Variants in CHD7 observed in about 807,000 individuals in gnomAD.
CHD7 encodes the protein ATP-dependent chromatin remodeler CHD7.
Under a neutral mutation model 307.3 loss-of-function variants are expected in CHD7, and 24 were observed. The ratio of observed to expected loss-of-function variants is 0.08; its 90% CI spans 0.06 to 0.11. CHD7 has a LOEUF of 0.11. Among genes scored for constraint, CHD7 ranks in the 10% least tolerant of loss-of-function variants. CHD7 has a pLI of 1.00. For missense variants in CHD7, 3,106 were observed against 3,727.1 expected (o/e 0.83, Z 4.34); for synonymous variants, 1,363 against 1,349.9 (o/e 1.01, Z -0.21).
At position 60,856,108 on chromosome 8, in the gene CHD7, C is replaced by T. The variant is rs1211299390; in HGVS notation, c.7070C>T (p.Pro2357Leu). The T allele has an allele frequency of 1.2e-6, 2 of 1,611,116 alleles. No homozygotes were observed. Among genetic ancestry groups the T allele is most frequent in the Non-Finnish European group, 1.7e-6 (2 of 1,178,648 alleles). ...PGYTPTTVDSPLQKRSFAELS... is the reference protein window; with the variant it reads ...PGYTPTTVDSLLQKRSFAELS... ...TACACACCCACCACAGTGGACAGCC[C>T]CTTGCAGAAGAGGAGCTTTGCTGAG... Residue 2357 changes from proline (P) to leucine (L), a missense_variant, in exon 33 of 38, where the codon CCC becomes CTC. By Grantham distance (98) the Pro-to-Leu change is moderately conservative. Coordinates refer to ENST00000423902, the MANE Select transcript of CHD7 (RefSeq NM_017780.4).
At chr8:60,781,676 T>C (rs919126668) in intron 3 of CHD7, among the ~76,000 whole-genome samples, 5 of 152,230 alleles carry the variant, frequency 3.3e-5, no homozygotes, top group Non-Finnish European at 7.3e-5. Context: ...ATTTTTTATA[T>C]TTTTATGAAA....
rs1418163912 is a variant in CHD7 at position 60,865,176 on chromosome 8, T to A, written c.8237T>A (p.Val2746Glu). Residue 2746 changes from valine to glutamate, a missense_variant, in exon 38 of 38, where the codon GTG becomes GAG. By Grantham distance (121) the Val-to-Glu change is moderately radical. Coordinates refer to ENST00000423902, the MANE Select transcript of CHD7 (RefSeq NM_017780.4). The surrounding 1 kb of genome is among the most constrained non-coding windows in gnomAD (Gnocchi z 4.3). ...ASTSGINPLL[V>E]NSLFAGMDLT... ...ACGTCAGGGATCAACCCTTTGCTGG[T>A]GAACAGCCTGTTTGCTGGAATGGAC... The A allele has an allele frequency of 6.2e-7, 1 of 1,612,146 alleles. No individual in the cohort carries two copies. The highest frequency in any genetic ancestry group is 8.5e-7 in the Non-Finnish European group (1 of 1,179,204).
At chr8:60,695,854 C>T (rs937573159) in intron 1 of CHD7, among the ~76,000 whole-genome samples, 27 of 152,254 alleles carry the variant, frequency 1.8e-4, no homozygotes, top group African/African-American at 6.0e-4. Flanking sequence ...ATGGTGAGAC[C>T]TGCACACTCA....
At chr8:60,810,329 G>A (rs1812737421) in intron 7 of CHD7, among the ~76,000 whole-genome samples, 1 of 152,006 alleles carries the variant, frequency 6.6e-6, no homozygotes, top group Non-Finnish European at 1.5e-5. Flanking sequence ...TCGTTGCTGA[G>A]GAATTGTTGC....
At chr8:60,736,551 C>CCCT (rs1328103977) in intron 1 of CHD7, among the ~76,000 whole-genome samples, 1 of 152,120 alleles carries the variant, frequency 6.6e-6, no homozygotes, top group Non-Finnish European at 1.5e-5. Context: ...TCATGCTCCA[C>CCCT]CCTCATCCCC....
At chr8:60,727,864 T>A (rs1045156940) in intron 1 of CHD7, among the ~76,000 whole-genome samples, 1 of 152,228 alleles carries the variant, frequency 6.6e-6, no homozygotes, top group African/African-American at 2.4e-5. Flanking sequence ...TAAATCCTGC[T>A]TCTCTTCTGT....
chr8:60,860,948 CCCA>C lies in CHD7; in HGVS notation c.7657_7659del (p.Pro2553del), dbSNP rs1805941014. On this transcript the variant is annotated inframe_deletion, in exon 35 of 38. Transcript: ENST00000423902. ...AAGCTTTTGAAGAAGATATAGAGAC[CCCA>C]CCAACAAGAAACATTCCTTCTCCCG... is the stretch of plus-strand genomic sequence containing the variant. 1.2e-6 allele frequency: 2 copies of C among 1,613,732 alleles called. No individual in the cohort carries two copies. The highest frequency in any genetic ancestry group is 2.7e-5 in the African/African-American group (2 of 74,864).
chr8:60,810,298 T>C (rs1215918480), intron 7 of CHD7, among the ~76,000 whole-genome samples: 1 of 151,968 alleles, frequency 6.6e-6, no homozygotes, highest in South Asian at 2.1e-4. Flanking sequence ...GAAACCAAGA[T>C]TGGGGCTTTA....
intron 2 of CHD7, among the ~76,000 whole-genome samples, chr8:60,775,313 A>C (rs967956101): frequency 2.1e-5 from 1 of 47,308 alleles, no homozygotes; most frequent in East Asian, 2.4e-3. Context: ...ACATATAGGA[A>C]TATGTAACAA....
At chr8:60,806,089 G>A (rs754965787) in intron 6 of CHD7, among the ~76,000 whole-genome samples, 11 of 152,094 alleles carry the variant, frequency 7.2e-5, no homozygotes, top group East Asian at 1.9e-4. Context: ...GAGGCTGGGC[G>A]CAGTGGTTCA....
chr8:60,855,874 T>G (rs576401237), intron 32 of CHD7, 101 bp from the exon 33 acceptor site: 1 of 771,198 alleles, frequency 1.3e-6, no homozygotes, highest in African/African-American at 1.8e-5. Context: ...CAGTTGACTT[T>G]TAAACATTTT....
At chr8:60,792,214 A>G (rs1178816291) in intron 3 of CHD7, among the ~76,000 whole-genome samples, 2 of 152,228 alleles carry the variant, frequency 1.3e-5, no homozygotes, top group Non-Finnish European at 2.9e-5. Context: ...ATTCTAGATT[A>G]CCTTTGTTTG....
intron 12 of CHD7, among the ~76,000 whole-genome samples, chr8:60,823,409 A>AC (rs761285284): frequency 6.6e-6 from 1 of 151,354 alleles, no homozygotes; most frequent in Non-Finnish European, 1.5e-5. Context: ...ATAGATAGAT[A>AC]GATAGATAGA....
At chr8:60,842,723 C>T (rs1805027511) in intron 21 of CHD7, among the ~76,000 whole-genome samples, 1 of 152,184 alleles carries the variant, frequency 6.6e-6, no homozygotes, top group Admixed American at 6.5e-5. Flanking sequence ...AGTAACCTTT[C>T]TACAGATCTG....
At chr8:60,818,437 A>G (rs1239311077) in intron 8 of CHD7, among the ~76,000 whole-genome samples, 1 of 152,168 alleles carries the variant, frequency 6.6e-6, no homozygotes, top group Non-Finnish European at 1.5e-5. Context: ...TCCTAAAGAG[A>G]GTTTTTGCCA....
Position 60,856,145 on chromosome 8 carries a change from C to A in CHD7, c.7107C>A (p.Val2369=), listed in dbSNP as rs773674773. ...QKRSFAELSM[V]GQASISGSED... ...GGAGCTTTGCTGAGCTCTCCATGGT[C>A]GGCCAAGCCAGCATTAGTGGGAGTG... Residue 2369 remains valine, a synonymous_variant, in exon 33 of 38, where the codon GTC becomes GTA. Transcript: ENST00000423902. The A allele has an allele frequency of 1.2e-5, 19 of 1,607,624 alleles. No homozygotes were observed. Among genetic ancestry groups the A allele is most frequent in the East Asian group, 4.5e-5 (2 of 44,716 alleles).
chr8:60,714,331 G>C (rs978671617), intron 1 of CHD7, among the ~76,000 whole-genome samples: 7 of 151,398 alleles, frequency 4.6e-5, no homozygotes, highest in African/African-American at 1.7e-4. Flanking sequence ...CAGTGGCTCG[G>C]GGCCGGAGCT....
At chr8:60,760,359 CTT>C (rs1810118802) in intron 2 of CHD7, among the ~76,000 whole-genome samples, 1 of 149,970 alleles carries the variant, frequency 6.7e-6, no homozygotes, top group African/African-American at 2.5e-5. Flanking sequence ...GGATTAAAGA[CTT>C]AAACGTTAGA....
chr8:60,851,869 A>G lies in CHD7; in HGVS notation c.5666-150A>G, dbSNP rs917876398. The G allele has an allele frequency of 4.3e-5, 25 of 576,564 alleles. No homozygotes were observed. The African/African-American group carries it at 4.5e-4, about 10-fold the overall frequency. 35.7% of individuals were successfully genotyped at this position (576,564 alleles called of 1,614,324 possible). On this transcript the variant is annotated intron_variant, in intron 28 of 37. Transcript: ENST00000423902. ...AGTGTATATATTCCAAGTGAATGTT[A>G]TTACTTATTTATATTTTAAAAATGA... is the stretch of plus-strand genomic sequence containing the variant.
Sources: gnomAD v4.1 joint callset for allele counts (sites outside exome capture counted in the v4.1 genomes callset) on GRCh38, gnomAD v4.1.1 for gene constraint, Gnocchi (gnomAD v3.1) non-coding constraint, MANE v1.5 for transcripts, NCBI Gene and HGNC (gene_info 2026-07-23, HGNC 2026-07-21) for gene names.